IARS1: variants seen among roughly 807,000 people sequenced by gnomAD.
The protein encoded by IARS1 is isoleucine--tRNA ligase, cytoplasmic.
IARS1 carries 124 observed loss-of-function variants against 168.2 expected under a neutral mutation model. That is an observed-to-expected ratio of 0.74 (90% CI 0.64 to 0.86). IARS1 has a LOEUF of 0.86. IARS1 is among the 40% of genes least tolerant of loss of function. IARS1 has a pLI of 0.00. For missense variants in IARS1, 1,452 were observed against 1,515.8 expected (o/e 0.96, Z 0.70); for synonymous variants, 532 against 529.4 (o/e 1.00, Z -0.07).
rs747054053 is a variant in IARS1 at position 92,242,210 on chromosome 9, A to C, written c.3121T>G (p.Leu1041Val). 2 of 1,614,154 alleles carry C rather than the reference A, an allele frequency of 1.2e-6. No individual in the cohort carries two copies. The highest frequency in any genetic ancestry group is 1.7e-6 in the Non-Finnish European group (2 of 1,179,974). The change falls in exon 29 of 34, where the codon TTG becomes GTG. Residue 1041 changes from leucine (L) to valine (V), a missense_variant. By Grantham distance (32) the Leu-to-Val change is conservative. Transcript: ENST00000443024. ...GATGGAGAAACTGGATATGGTTTCA[A>C]GGGAGCCTTTATGGTGGTAAATATG... ...EFIFTTIKAP[L>V]KPYPVSPSDK...
At chr9:92,279,135 T>C (rs1333921542) in intron 7 of IARS1, among the ~76,000 whole-genome samples, 1 of 152,222 alleles carries the variant, frequency 6.6e-6, no homozygotes, top group Admixed American at 6.5e-5. Context: ...ATATATTTAG[T>C]TCACTATAAG....
Position 92,277,856 on chromosome 9 carries a change from A to G in IARS1, c.894+7T>C. 1 of 1,613,146 alleles carries G rather than the reference A, an allele frequency of 6.2e-7. No individual in the cohort carries two copies. The highest frequency in any genetic ancestry group is 8.5e-7 in the Non-Finnish European group (1 of 1,179,420). On this transcript the variant is annotated splice_region_variant and intron_variant, in intron 9 of 33. Transcript: ENST00000443024. ...AGAGCGCCCACAGTAGCGGTCCCTA[A>G]GCTTACCTTCAGGAAATAGTCAAAC... is the stretch of plus-strand genomic sequence containing the variant.
Position 92,250,413 on chromosome 9 carries a change from A to G in IARS1, c.2430-124T>C, listed in dbSNP as rs1246790847. 6 of 709,428 alleles carry G rather than the reference A, an allele frequency of 8.5e-6. No individual in the cohort carries two copies. In the Admixed American group the frequency reaches 9.1e-5, roughly 11 times the overall value. 43.9% of individuals were successfully genotyped at this position (709,428 alleles called of 1,614,324 possible). ...AAGTGTGGCTAGGCCCTCCTGGTGA[A>G]GCACTGGGGAAGGGCAGCGCAGTGC... On this transcript the variant is annotated intron_variant, in intron 23 of 33. Coordinates refer to ENST00000443024, the MANE Select transcript of IARS1 (RefSeq NM_002161.6).
At chr9:92,287,271 T>C (rs118156255) in intron 4 of IARS1, 1,612 of 153,896 alleles carry the variant, frequency 0.01, 17 homozygotes, top group Non-Finnish European at 0.018. Flanking sequence ...ACTAAATAAA[T>C]GTTCCATACT....
rs750215533 is a variant in IARS1 at position 92,238,861 on chromosome 9, G to C, written c.3283+1995C>G. On this transcript the variant is annotated intron_variant, in intron 30 of 33. Coordinates refer to ENST00000443024, the MANE Select transcript of IARS1 (RefSeq NM_002161.6). ...GTAATTGTCTTAACTATTATTTCTTGTTCAGTAAATCCTTAATGTTGCTGG... is the reference window on the plus strand; with the variant it reads ...GTAATTGTCTTAACTATTATTTCTTCTTCAGTAAATCCTTAATGTTGCTGG... 7.2e-5 allele frequency among the ~76,000 whole-genome samples: 11 copies of C among 152,180 alleles called. 1 individual carries two copies. Among genetic ancestry groups the C allele is most frequent in the Middle Eastern group, 6.8e-3 (2 of 294 alleles).
rs1032869719 is a variant in IARS1 at position 92,242,055 on chromosome 9, C to T, written c.3177+99G>A. On this transcript the variant is annotated intron_variant, in intron 29 of 33. Transcript: ENST00000443024. Reference sequence around the variant, plus strand: ...CAATACTTCAAGACAGAGTGCTGTGCCGATCTCTACTGTGGGACAGAATAT... The same window carrying T: ...CAATACTTCAAGACAGAGTGCTGTGTCGATCTCTACTGTGGGACAGAATAT... 60 of 886,408 alleles carry T rather than the reference C, an allele frequency of 6.8e-5. No homozygotes were observed. The African/African-American group carries it at 9.8e-4, about 14-fold the overall frequency. The allele number at this position is 886,408 out of a possible 1,614,324, so 54.9% of individuals were successfully genotyped here.
intron 2 of IARS1, among the ~76,000 whole-genome samples, chr9:92,288,707 T>G (rs564895420): frequency 6.6e-6 from 1 of 152,024 alleles, no homozygotes; most frequent in Non-Finnish European, 1.5e-5. Context: ...GGTACTTAGG[T>G]ATAAGTGCCT....
chr9:92,286,093 C>T (rs1054841971), intron 5 of IARS1: 5 of 380,074 alleles, frequency 1.3e-5, no homozygotes, highest in South Asian at 3.7e-5. Flanking sequence ...GCAGGCTGGG[C>T]GCAGTGGCTC....
chr9:92,274,408 CA>C lies in IARS1; in HGVS notation c.990+17del. ...TACCGACATACTCAAATACATTTGC[CA>C]GACTTATGCTACTCACAGCACCGAA... is the stretch of plus-strand genomic sequence containing the variant. On this transcript the variant is annotated intron_variant, in intron 10 of 33. Transcript: ENST00000443024. 1 of 1,594,862 alleles carries C rather than the reference CA, an allele frequency of 6.3e-7. No individual in the cohort carries two copies. The highest frequency in any genetic ancestry group is 8.6e-7 in the Non-Finnish European group (1 of 1,162,620).
chr9:92,217,984 T>C (rs1045320764), intron 33 of IARS1, among the ~76,000 whole-genome samples: 23 of 152,034 alleles, frequency 1.5e-4, no homozygotes, highest in African/African-American at 5.3e-4. Flanking sequence ...AAGAGAATTT[T>C]AGACCAATAT....
intron 30 of IARS1, among the ~76,000 whole-genome samples, chr9:92,231,617 G>A (rs1313216944): frequency 6.7e-6 from 1 of 148,880 alleles, no homozygotes; most frequent in East Asian, 2.0e-4. Flanking sequence ...TAGTAGAGAT[G>A]GAGTTTCTCC....
chr9:92,229,150 C>T, intron 30 of IARS1, 24 bp from the exon 31 acceptor site: 3 of 1,601,026 alleles, frequency 1.9e-6, no homozygotes, highest in Non-Finnish European at 2.6e-6. Context: ...AAAATAACAC[C>T]TCAATCAGAC....
intron 6 of IARS1, among the ~76,000 whole-genome samples, chr9:92,283,379 G>T (rs183189330): frequency 6.6e-6 from 1 of 152,304 alleles, no homozygotes; most frequent in East Asian, 1.9e-4. Context: ...GGTGGCTCAC[G>T]CCTGTAAAAA....
At chr9:92,211,468 G>A (rs961139181) in intron 33 of IARS1, among the ~76,000 whole-genome samples, 7 of 152,186 alleles carry the variant, frequency 4.6e-5, no homozygotes, top group Non-Finnish European at 1.0e-4. Flanking sequence ...TACTGAACCT[G>A]AGGGTGGTTT....
intron 19 of IARS1, among the ~76,000 whole-genome samples, chr9:92,258,009 T>C (rs920538180): frequency 2.0e-5 from 3 of 152,164 alleles, no homozygotes; most frequent in Non-Finnish European, 4.4e-5. Context: ...GTAACTGCCA[T>C]TGAAGTACAC....
chr9:92,264,632 G>A (rs911522745), intron 16 of IARS1, among the ~76,000 whole-genome samples: 3 of 152,124 alleles, frequency 2.0e-5, no homozygotes, highest in Non-Finnish European at 4.4e-5. Context: ...TCTGACGTAA[G>A]CTAAGAACAC....
At chr9:92,229,961 A>G (rs1026710693) in intron 30 of IARS1, among the ~76,000 whole-genome samples, 1 of 152,116 alleles carries the variant, frequency 6.6e-6, no homozygotes, top group Non-Finnish European at 1.5e-5. Flanking sequence ...TTTAATATCC[A>G]TACCCAATTC....
chr9:92,291,741 C>T (rs1377839021), intron 1 of IARS1, among the ~76,000 whole-genome samples: 1 of 152,182 alleles, frequency 6.6e-6, no homozygotes, highest in Non-Finnish European at 1.5e-5. Context: ...TGAAGACTAA[C>T]AGACCTTTAG....
rs1221409841 is a variant in IARS1 at position 92,258,952 on chromosome 9, A to G, written c.1918T>C (p.Phe640Leu). The change falls in exon 19 of 34, where the codon TTT becomes CTT. Residue 640 changes from phenylalanine (F) to leucine (L), a missense_variant. Transcript: ENST00000443024. ...ACGTCCCGCACACCCTCTTCTTTAA[A>G]GCGGAGGTTTTCTGCTCTCACCACA... is the stretch of plus-strand genomic sequence containing the variant. ...SPVVRAENLR[F>L]KEEGVRDVLK... 1.2e-6 allele frequency: 2 copies of G among 1,613,770 alleles called. No homozygotes were observed. The highest frequency in any genetic ancestry group is 1.7e-6 in the Non-Finnish European group (2 of 1,179,920).
Sources: gnomAD v4.1 joint callset for allele counts (sites outside exome capture counted in the v4.1 genomes callset) on GRCh38, gnomAD v4.1.1 for gene constraint, MANE v1.5 for transcripts, NCBI Gene and HGNC (gene_info 2026-07-23, HGNC 2026-07-21) for gene names.